Variants in MYOM2 observed in about 807,000 individuals in gnomAD.
The protein encoded by MYOM2 is myomesin 2, also known as myomesin-2.
In MYOM2, 254 loss-of-function variants were observed where a neutral mutation model predicts 187.6. The observed-to-expected ratio is 1.35, with a 90% CI of 1.22 to 1.50. The LOEUF (loss-of-function observed/expected upper bound fraction) is 1.50, where lower values mean the gene tolerates loss of function less well. Ranked by LOEUF, MYOM2 falls within the 40% of genes most tolerant of loss-of-function variation. The pLI is 0.00. For missense variants in MYOM2, 2,796 were observed against 1,924.0 expected (o/e 1.45, Z -8.48); for synonymous variants, 981 against 753.8 (o/e 1.30, Z -4.94).
intron 20 of MYOM2, among the ~76,000 whole-genome samples, chr8:2,101,259 A>G (rs1796700499): frequency 6.6e-6 from 1 of 152,218 alleles, no homozygotes; most frequent in Non-Finnish European, 1.5e-5. Context: ...AAGCTGAGTC[A>G]GGAGAATCGC....
rs6990861 is a variant in MYOM2, at chr8:2,084,832, G to T, written c.1517-431G>T. On this transcript the variant is annotated intron_variant, in intron 13 of 36. Transcript: ENST00000262113. ...TCTGAGGGCACACGGTATAAAGAAAGAACCCAGAGGGGATCCTTAGAGGTG... is the reference window on the plus strand; with the variant it reads ...TCTGAGGGCACACGGTATAAAGAAATAACCCAGAGGGGATCCTTAGAGGTG... Among the ~76,000 whole-genome samples, 1,188 of 152,272 alleles carry T rather than the reference G, an allele frequency of 7.8e-3. 13 individuals are homozygous for T. The highest frequency in any genetic ancestry group is 0.027 in the African/African-American group (1,127 of 41,552).
intron 1 of MYOM2, among the ~76,000 whole-genome samples, chr8:2,047,039 G>C (rs1408255388): frequency 6.6e-6 from 1 of 152,194 alleles, no homozygotes; most frequent in African/African-American, 2.4e-5. Flanking sequence ...TTCTGGATTT[G>C]AGTTGCTCAA....
rs1015220628 is a variant in MYOM2, at chr8:2,129,309, C to A, written c.3800+77C>A. ...GGCGCACAGCTGGGACCAGGCGCTC[C>A]CTGGGGAACATCAAGGCACTGCCAT... On this transcript the variant is annotated intron_variant, in intron 32 of 36. Coordinates refer to ENST00000262113, the MANE Select transcript of MYOM2 (RefSeq NM_003970.4). 3.3e-6 allele frequency: 3 copies of A among 908,610 alleles called. No homozygotes were observed. In the Admixed American group the frequency reaches 5.6e-5, roughly 17 times the overall value. The allele number at this position is 908,610 out of a possible 1,614,324, so 56.3% of individuals were successfully genotyped here.
chr8:2,079,794 A>G lies in MYOM2; in HGVS notation c.1516+181A>G, dbSNP rs531729700. ...AGAAGTTAAAAAAAAGAAAAAATCA[A>G]GCAAGACAGAGTGAGAGGGTGGGAG... On this transcript the variant is annotated intron_variant, in intron 13 of 36. Coordinates refer to ENST00000262113, the MANE Select transcript of MYOM2 (RefSeq NM_003970.4). 4.6e-5 allele frequency among the ~76,000 whole-genome samples: 7 copies of G among 152,318 alleles called. No homozygotes were observed. In the East Asian group the frequency reaches 1.4e-3, roughly 29 times the overall value.
intron 28 of MYOM2, among the ~76,000 whole-genome samples, chr8:2,122,188 G>T (rs116471877): frequency 6.6e-6 from 1 of 152,208 alleles, no homozygotes; most frequent in Non-Finnish European, 1.5e-5. Flanking sequence ...ATTTTGAAAT[G>T]TTAAAGTAAA....
rs186595396 is a variant in MYOM2 at position 2,117,887 on chromosome 8, C to T, written c.3388C>T (p.Pro1130Ser). ...TTCTTCCCTTTTTTCCTCCCTAGGCCCTCATTTTGCTGAGTACTTGCACTG... is the reference window on the plus strand; with the variant it reads ...TTCTTCCCTTTTTTCCTCCCTAGGCTCTCATTTTGCTGAGTACTTGCACTG... The part of the protein sequence containing the change: ...QRKEFLRKQG[P>S]HFAEYLHWDV... Residue 1130 changes from proline (P) to serine (S), a missense_variant and splice_region_variant, in exon 28 of 37, where the codon CCT (proline) becomes TCT (serine). By Grantham distance (74) the Pro-to-Ser change is moderately conservative. Coordinates refer to ENST00000262113, the MANE Select transcript of MYOM2 (RefSeq NM_003970.4). The T allele has an allele frequency of 2.5e-6, 4 of 1,609,518 alleles. No individual in the cohort carries two copies. The highest frequency in any genetic ancestry group is 3.4e-6 in the Non-Finnish European group (4 of 1,177,922).
intron 9 of MYOM2, 100 bp downstream of exon 9, chr8:2,072,609 TG>T: frequency 2.2e-6 from 3 of 1,389,696 alleles, no homozygotes; most frequent in Non-Finnish European, 2.9e-6. Context: ...TCTCTACCAC[TG>T]GGTCAGCTCC....
intron 16 of MYOM2, among the ~76,000 whole-genome samples, chr8:2,093,035 G>A (rs1008789611): frequency 1.3e-5 from 2 of 152,148 alleles, no homozygotes; most frequent in African/African-American, 4.8e-5. Context: ...GGAGAGACTT[G>A]CTCCTGCTGC....
intron 14 of MYOM2, among the ~76,000 whole-genome samples, chr8:2,086,494 C>CTCCCACTGTTGTGATCTCCGCGTGG (rs1796074873): frequency 7.5e-6 from 1 of 132,932 alleles, no homozygotes; most frequent in African/African-American, 2.9e-5. Flanking sequence ...TCTGTGTGGC[C>CTCCCACTGTTGTGATCTCCGCGTGG]CCCCACTGTC....
At position 2,071,411 on chromosome 8, in the gene MYOM2, C is replaced by G. The variant is rs185904624; in HGVS notation, c.794-934C>G. Among the ~76,000 whole-genome samples, 9 of 152,254 alleles carry G rather than the reference C, an allele frequency of 5.9e-5. No homozygotes were observed. In the East Asian group the frequency reaches 1.7e-3, roughly 29 times the overall value. ...TGACATGTATGTACTTCTCCCCCTA[C>G]CACACATATTTTTGAAATTTAACCA... On this transcript the variant is annotated intron_variant, in intron 8 of 36. Transcript: ENST00000262113.
At chr8:2,125,466 T>C (rs1237706315) in intron 31 of MYOM2, among the ~76,000 whole-genome samples, 1 of 152,176 alleles carries the variant, frequency 6.6e-6, no homozygotes, top group Non-Finnish European at 1.5e-5. Context: ...CTAATGTCAG[T>C]GCCATGCTGT....
In MYOM2 at chr8:2,074,920, C is replaced by T. The variant is rs546734061; in HGVS notation, c.1121-1221C>T. On this transcript the variant is annotated intron_variant, in intron 10 of 36. Coordinates refer to ENST00000262113, the MANE Select transcript of MYOM2 (RefSeq NM_003970.4). ...GCGCCATGTAGCTGCTGCTGCTCTC[C>T]GGGTCCCCGGGCTCCCGGCTCCATC... 6.6e-5 allele frequency among the ~76,000 whole-genome samples: 10 copies of T among 152,326 alleles called. No homozygotes were observed. The East Asian group carries it at 7.7e-4, about 12-fold the overall frequency.
chr8:2,136,619 G>C (rs1055890090), intron 32 of MYOM2, among the ~76,000 whole-genome samples: 83 of 149,304 alleles, frequency 5.6e-4, no homozygotes, highest in African/African-American at 2.0e-3. Context: ...GGCCAGTGAA[G>C]CAATTGTGTG....
In MYOM2 at chr8:2,143,387, C is replaced by A; in HGVS notation, c.4025-14C>A. ...CGCAGATGTTTTCCTAACCAAGGTG[C>A]TTTCCCGTTGCAGATCGTGGCAGGT... On this transcript the variant is annotated splice_polypyrimidine_tract_variant and intron_variant, in intron 35 of 36. Coordinates refer to ENST00000262113, the MANE Select transcript of MYOM2 (RefSeq NM_003970.4). The A allele has an allele frequency of 6.2e-7, 1 of 1,614,236 alleles. No homozygotes were observed. The highest frequency in any genetic ancestry group is 8.5e-7 in the Non-Finnish European group (1 of 1,180,050).
intron 14 of MYOM2, among the ~76,000 whole-genome samples, chr8:2,087,673 C>T (rs749225873): frequency 6.6e-6 from 1 of 152,198 alleles, no homozygotes. Flanking sequence ...TGCAGTGGCA[C>T]AGTCATGGCT....
In MYOM2 at chr8:2,076,323, A is replaced by G. The variant is rs116613141; in HGVS notation, c.1262+41A>G. On this transcript the variant is annotated intron_variant, in intron 11 of 36. Coordinates refer to ENST00000262113, the MANE Select transcript of MYOM2 (RefSeq NM_003970.4). ...TCTCCCGGGGATGGGAACGTTCCGC[A>G]TGGAATCTTACCATGGACAATATAT... 3.2e-3 allele frequency: 5,185 copies of G among 1,602,460 alleles called. 165 individuals are homozygous for G. In the African/African-American group the frequency reaches 0.063, roughly 19 times the overall value.
chr8:2,061,144 T>C (rs745639992), intron 6 of MYOM2, among the ~76,000 whole-genome samples: 1 of 151,150 alleles, frequency 6.6e-6, no homozygotes, highest in Non-Finnish European at 1.5e-5. Flanking sequence ...TGGGGCCTGG[T>C]TGGGAAGAGG....
rs753849276 is a variant in MYOM2, at chr8:2,073,330, C to G, written c.959-9C>G. 2 of 1,598,336 alleles carry G rather than the reference C, an allele frequency of 1.3e-6. No individual in the cohort carries two copies. The highest frequency in any genetic ancestry group is 1.7e-6 in the Non-Finnish European group (2 of 1,170,454). Reference sequence around the variant, plus strand: ...TGGATGCAAACCTTCCGTGTTAACGCTCTTTCAGACGTGCTGTTGAAAGAG... The same window carrying G: ...TGGATGCAAACCTTCCGTGTTAACGGTCTTTCAGACGTGCTGTTGAAAGAG... On this transcript the variant is annotated splice_polypyrimidine_tract_variant and intron_variant, in intron 9 of 36. Transcript: ENST00000262113.
rs921877838 is a variant in MYOM2 at position 2,145,191 on chromosome 8, C to T, written c.*210C>T. On this transcript the variant is annotated 3_prime_UTR_variant, in exon 37 of 37. Coordinates refer to ENST00000262113, the MANE Select transcript of MYOM2 (RefSeq NM_003970.4). Reference sequence around the variant, plus strand: ...TAATGTTTTCCACAAGACTGAACAACGTGTATTTACACGAGGGTAGACGGC... The same window carrying T: ...TAATGTTTTCCACAAGACTGAACAATGTGTATTTACACGAGGGTAGACGGC... 32 of 610,256 alleles carry T rather than the reference C, an allele frequency of 5.2e-5. No individual in the cohort carries two copies. The highest frequency in any genetic ancestry group is 5.6e-5 in the African/African-American group (3 of 53,902). The allele number at this position is 610,256 out of a possible 1,614,324, so 37.8% of individuals were successfully genotyped here.
Sources: allele counts gnomAD v4.1 joint callset (sites outside exome capture counted in the v4.1 genomes callset), GRCh38; gene constraint gnomAD v4.1.1; transcripts MANE v1.5; gene names NCBI Gene and HGNC (gene_info 2026-07-23, HGNC 2026-07-21).